The following EBF1 variants were observed in gnomAD, a reference collection of about 807,000 sequenced individuals.
EBF1 encodes the protein transcription factor COE1.
In EBF1, 10 loss-of-function variants were observed where a neutral mutation model predicts 68.4. The observed-to-expected ratio is 0.15, with a 90% CI of 0.09 to 0.25. The LOEUF is 0.25. Ranked by LOEUF, EBF1 falls within the 10% of genes least tolerant of loss-of-function variation. The pLI, the probability that EBF1 is intolerant of heterozygous loss-of-function variation, is 1.00. For synonymous variants in EBF1, 298 were observed against 299.8 expected, an observed-to-expected ratio of 0.99 and a Z score of 0.06; for missense variants, 509 against 794.4, an observed-to-expected ratio of 0.64 and a Z score of 4.32.
At chr5:158,912,467 C>G (rs1806204622) in intron 6 of EBF1, among the ~76,000 whole-genome samples, 1 of 152,152 alleles carries the variant, frequency 6.6e-6, no homozygotes, top group Admixed American at 6.5e-5. Context: ...GTACCCGTCC[C>G]TTCTAAATTT....
intron 6 of EBF1, among the ~76,000 whole-genome samples, chr5:158,934,625 T>C (rs1811584543): frequency 6.6e-6 from 1 of 152,258 alleles, no homozygotes; most frequent in Non-Finnish European, 1.5e-5. Flanking sequence ...TCTGGCACTG[T>C]AGAACTTATA....
chr5:158,853,460 G>C (rs1230076029), intron 6 of EBF1, among the ~76,000 whole-genome samples: 1 of 152,196 alleles, frequency 6.6e-6, no homozygotes, highest in East Asian at 1.9e-4. Flanking sequence ...AGCTGGGGTT[G>C]CTGGAAAATT....
At chr5:158,998,120 C>T (rs1399564129) in intron 6 of EBF1, among the ~76,000 whole-genome samples, 1 of 152,114 alleles carries the variant, frequency 6.6e-6, no homozygotes, top group Non-Finnish European at 1.5e-5. Context: ...CCAATGTCTC[C>T]TCCTTGCATC....
At chr5:159,067,303 A>G (rs1777018110) in intron 6 of EBF1, among the ~76,000 whole-genome samples, 1 of 152,220 alleles carries the variant, frequency 6.6e-6, no homozygotes, top group African/African-American at 2.4e-5. Context: ...GAACTGTTAC[A>G]AAAGCAAAGT....
chr5:159,005,675 T>A (rs1232917770), intron 6 of EBF1, among the ~76,000 whole-genome samples: 1 of 152,098 alleles, frequency 6.6e-6, no homozygotes, highest in Non-Finnish European at 1.5e-5. Flanking sequence ...AACCAGAATA[T>A]CAACTTTTGA....
chr5:158,843,823 G>C (rs887375760), intron 6 of EBF1, among the ~76,000 whole-genome samples: 6 of 152,190 alleles, frequency 3.9e-5, no homozygotes, highest in African/African-American at 1.2e-4. Flanking sequence ...CCCACTGAGA[G>C]ACAGACATGG....
chr5:158,800,399 G>C (rs940961692), intron 8 of EBF1, among the ~76,000 whole-genome samples: 1 of 152,144 alleles, frequency 6.6e-6, no homozygotes, highest in South Asian at 2.1e-4. Context: ...AAAAGAACTA[G>C]ACTGGGGTTG....
intron 6 of EBF1, among the ~76,000 whole-genome samples, chr5:158,966,048 T>C (rs1754043883): frequency 6.6e-6 from 1 of 152,220 alleles, no homozygotes; most frequent in African/African-American, 2.4e-5. Flanking sequence ...ACAGGAAACC[T>C]TGAGTAAGGC....
intron 6 of EBF1, among the ~76,000 whole-genome samples, chr5:158,914,972 T>A (rs1326562027): frequency 3.9e-5 from 6 of 152,218 alleles, no homozygotes; most frequent in Non-Finnish European, 8.8e-5. Flanking sequence ...TGAATTGCAA[T>A]TAGAATAATC....
intron 6 of EBF1, among the ~76,000 whole-genome samples, chr5:158,968,108 T>C (rs1208730586): frequency 1.3e-5 from 2 of 152,082 alleles, no homozygotes; most frequent in Non-Finnish European, 2.9e-5. Context: ...AATTATAAAT[T>C]AGTTCTAGAT....
intron 6 of EBF1, among the ~76,000 whole-genome samples, chr5:159,042,157 A>G (rs879437174): frequency 1.3e-5 from 2 of 152,156 alleles, no homozygotes; most frequent in Non-Finnish European, 2.9e-5. Flanking sequence ...GGAGGGATGC[A>G]CACCTGCAGG....
At position 158,705,042 on chromosome 5, in the gene EBF1, GGC is replaced by G. The variant is rs552301846; in HGVS notation, c.1744+2935_1744+2936del. 1.1e-3 allele frequency among the ~76,000 whole-genome samples: 160 copies of G among 152,292 alleles called. 4 individuals carry two copies. In the South Asian group the frequency reaches 0.032, roughly 31 times the overall value. ...AAATAGTCTTGCTCTGGAGTGCAGT[GGC>G]ACGATCTCAGCTCACTGCAACCTGT... is the stretch of plus-strand genomic sequence containing the variant. On this transcript the variant is annotated intron_variant, in intron 15 of 15. Transcript: ENST00000313708.
At chr5:159,003,040 T>C (rs869591) in intron 6 of EBF1, among the ~76,000 whole-genome samples, 9,474 of 152,280 alleles carry the variant, frequency 0.062, 592 homozygotes, top group African/African-American at 0.16. Flanking sequence ...GATACATTTA[T>C]ATATATAAGC....
chr5:158,862,733 C>A (rs1187161272), intron 6 of EBF1, among the ~76,000 whole-genome samples: 1 of 152,064 alleles, frequency 6.6e-6, no homozygotes, highest in Non-Finnish European at 1.5e-5. Context: ...TATATCCTCC[C>A]TGAGAAACTG....
chr5:158,956,203 C>A (rs1377584929), intron 6 of EBF1, among the ~76,000 whole-genome samples: 1 of 152,096 alleles, frequency 6.6e-6, no homozygotes, highest in African/African-American at 2.4e-5. Flanking sequence ...GAGGCTTCTA[C>A]TTTGGAGCGA....
chr5:159,096,778 G>T (rs1048443149), intron 2 of EBF1, among the ~76,000 whole-genome samples, 196 bp downstream of exon 2: 2 of 152,156 alleles, frequency 1.3e-5, no homozygotes, highest in African/African-American at 4.8e-5. Flanking sequence ...TGGGGGCTCC[G>T]TGCGAACTTT....
chr5:158,861,322 G>A (rs1040616749), intron 6 of EBF1, among the ~76,000 whole-genome samples: 4 of 139,314 alleles, frequency 2.9e-5, no homozygotes, highest in African/African-American at 1.1e-4. Context: ...GTTAAAAACA[G>A]CAGTAACCGA....
At chr5:158,886,619 G>C (rs1800095895) in intron 6 of EBF1, among the ~76,000 whole-genome samples, 1 of 152,194 alleles carries the variant, frequency 6.6e-6, no homozygotes, top group African/African-American at 2.4e-5. Flanking sequence ...AGGTAATGCT[G>C]CCTACATACT....
At chr5:158,901,439 G>T (rs773547955) in intron 6 of EBF1, among the ~76,000 whole-genome samples, 6 of 152,152 alleles carry the variant, frequency 3.9e-5, no homozygotes, top group Admixed American at 6.5e-5. Context: ...CCACTCAATG[G>T]GTAGTCAACA....
Sources: allele counts gnomAD v4.1 joint callset (sites outside exome capture counted in the v4.1 genomes callset), GRCh38; gene constraint gnomAD v4.1.1; transcripts MANE v1.5; gene names NCBI Gene and HGNC (gene_info 2026-07-23, HGNC 2026-07-21).